Variants in RABGAP1L observed in about 807,000 individuals in gnomAD.
The protein encoded by RABGAP1L is RAB GTPase activating protein 1 like.
A neutral mutation model predicts 137.7 loss-of-function variants in RABGAP1L; 63 were observed. That is an observed-to-expected ratio of 0.46 (90% confidence interval 0.37 to 0.56). The LOEUF (loss-of-function observed/expected upper bound fraction) is 0.56, where lower values mean the gene tolerates loss of function less well. RABGAP1L is among the 20% of genes least tolerant of loss of function. The pLI is 0.00. For synonymous variants in RABGAP1L, 431 were observed against 433.7 expected (o/e 0.99, Z 0.08); for missense variants, 1,095 against 1,244.0 (o/e 0.88, Z 1.80).
chr1:174,665,761 A>G (rs1676745517), intron 14 of RABGAP1L, among the ~76,000 whole-genome samples: 1 of 152,226 alleles, frequency 6.6e-6, no homozygotes, highest in African/African-American at 2.4e-5. Flanking sequence ...CACTGTGCCC[A>G]GCCTTAGCTT....
At chr1:174,360,990 A>T (rs1189884269) in intron 11 of RABGAP1L, among the ~76,000 whole-genome samples, 1 of 152,172 alleles carries the variant, frequency 6.6e-6, no homozygotes, top group Admixed American at 6.5e-5. Flanking sequence ...CGCCGTCTCT[A>T]CTAAAAAATA....
At chr1:174,366,015 A>ATT (rs147612579) in intron 11 of RABGAP1L, among the ~76,000 whole-genome samples, 4 of 151,230 alleles carry the variant, frequency 2.6e-5, no homozygotes, top group East Asian at 1.9e-4. Flanking sequence ...ATAAATTTTG[A>ATT]TTTTTTTTTG....
intron 1 of RABGAP1L, among the ~76,000 whole-genome samples, chr1:174,206,689 C>A (rs1329557369): frequency 6.6e-6 from 1 of 152,116 alleles, no homozygotes; most frequent in Non-Finnish European, 1.5e-5. Flanking sequence ...ACATTTGGCA[C>A]TGAAGGAAAT....
rs562341304 is a variant in RABGAP1L at position 174,901,121 on chromosome 1, A to C, written c.2341-56336A>C. On this transcript the variant is annotated intron_variant, in intron 19 of 25. Coordinates refer to ENST00000681986, the MANE Select transcript of RABGAP1L (RefSeq NM_001366446.1). ...CTTGTGATTGCATTGTGAAGTTCTCATGTTGTGTTTTACAGCTCCATTAGT... is the reference window on the plus strand; with the variant it reads ...CTTGTGATTGCATTGTGAAGTTCTCCTGTTGTGTTTTACAGCTCCATTAGT... 1.4e-3 allele frequency among the ~76,000 whole-genome samples: 210 copies of C among 151,812 alleles called. 1 individual carries two copies. In the South Asian group the frequency reaches 0.02, roughly 14 times the overall value.
chr1:174,302,365 G>A (rs1182556225), intron 10 of RABGAP1L, among the ~76,000 whole-genome samples: 3 of 152,096 alleles, frequency 2.0e-5, no homozygotes, highest in African/African-American at 7.2e-5. Flanking sequence ...TACTTTACTT[G>A]CTTTTTGTGT....
At chr1:174,838,776 G>C (rs1240890884) in intron 19 of RABGAP1L, among the ~76,000 whole-genome samples, 1 of 151,456 alleles carries the variant, frequency 6.6e-6, no homozygotes, top group African/African-American at 2.4e-5. Flanking sequence ...AATTAGCCGG[G>C]CTTGCTGGCG....
rs1404583052 is a variant in RABGAP1L, at chr1:174,881,209, G to C, written c.2340+69249G>C. The stretch of plus-strand genomic sequence containing the variant: ...TATATTATGGCTCAATGCAACCCTA[G>C]CTGCACCAAAGGGAATTCCCACTCC... On this transcript the variant is annotated intron_variant, in intron 19 of 25. Coordinates refer to ENST00000681986, the MANE Select transcript of RABGAP1L (RefSeq NM_001366446.1). Among the ~76,000 whole-genome samples the C allele has an allele frequency of 2.0e-5, 3 of 152,220 alleles. No homozygotes were observed. The East Asian group carries it at 5.8e-4, about 29-fold the overall frequency.
rs552903613 is a variant in RABGAP1L, at chr1:174,389,798, T to A, written c.1560-4197T>A. Reference sequence around the variant, plus strand: ...GTAAAGAAGACAAAGATTCTTGCCATTGTGGAGTTTCTATTCATGCATTAA... The same window carrying A: ...GTAAAGAAGACAAAGATTCTTGCCAATGTGGAGTTTCTATTCATGCATTAA... On this transcript the variant is annotated intron_variant, in intron 12 of 25. Transcript: ENST00000681986. Among the ~76,000 whole-genome samples, 5 of 152,276 alleles carry A rather than the reference T, an allele frequency of 3.3e-5. No homozygotes were observed. In the South Asian group the frequency reaches 8.3e-4, roughly 25 times the overall value.
rs1558314122 is a variant in RABGAP1L, at chr1:174,991,385, C to G, written c.*1384C>G. The G allele has an allele frequency of 6.6e-6, 1 of 152,186 alleles. No homozygotes were observed. Among genetic ancestry groups the G allele is most frequent in the African/African-American group, 2.4e-5 (1 of 41,446 alleles). The allele number at this position is 152,186 out of a possible 1,614,324, so 9.4% of individuals were successfully genotyped here. A position where few individuals can be genotyped will look rare whatever the true frequency, so the allele number is the denominator to read the frequency against. On this transcript the variant is annotated 3_prime_UTR_variant, in exon 26 of 26. Transcript: ENST00000681986. The stretch of plus-strand genomic sequence containing the variant: ...GTTGAACATATTATTTGCAAAGAAT[C>G]TTAAACTCTGTAGTGCCAGAATGAT...
At chr1:174,307,461 C>T (rs1176916513) in intron 11 of RABGAP1L, among the ~76,000 whole-genome samples, 6 of 152,146 alleles carry the variant, frequency 3.9e-5, no homozygotes, top group Non-Finnish European at 8.8e-5. Context: ...ACTCTCTGTT[C>T]TCCCCTTTCC....
At chr1:174,730,251 T>C (rs1244780136) in intron 17 of RABGAP1L, among the ~76,000 whole-genome samples, 2 of 152,192 alleles carry the variant, frequency 1.3e-5, no homozygotes, top group Non-Finnish European at 2.9e-5. Context: ...GTGCTAAACA[T>C]TGACTACTCA....
At chr1:174,273,970 G>A (rs1052769665) in intron 8 of RABGAP1L, among the ~76,000 whole-genome samples, 3 of 152,158 alleles carry the variant, frequency 2.0e-5, no homozygotes, top group African/African-American at 7.2e-5. Context: ...ATTAGCAGTT[G>A]TGATTTGTTA....
chr1:174,417,317 A>C (rs1303024126), intron 13 of RABGAP1L, among the ~76,000 whole-genome samples: 1 of 152,220 alleles, frequency 6.6e-6, no homozygotes. Flanking sequence ...ATTTCAAATC[A>C]GTTATAGTTC....
At chr1:174,200,476 T>C (rs2148387075) in intron 1 of RABGAP1L, among the ~76,000 whole-genome samples, 1 of 152,338 alleles carries the variant, frequency 6.6e-6, no homozygotes, top group South Asian at 2.1e-4. Context: ...CTAGAAAACA[T>C]GTATATACAG....
chr1:174,876,883 A>G (rs1653200179), intron 19 of RABGAP1L, among the ~76,000 whole-genome samples: 1 of 152,188 alleles, frequency 6.6e-6, no homozygotes, highest in East Asian at 1.9e-4. Context: ...AAATACTCAG[A>G]GGGGAAAATT....
chr1:174,655,910 C>G (rs1351530909), intron 14 of RABGAP1L, among the ~76,000 whole-genome samples: 7 of 152,202 alleles, frequency 4.6e-5, no homozygotes, highest in Admixed American at 3.9e-4. Flanking sequence ...GCTTATGTCT[C>G]TGTCCCAGCT....
intron 13 of RABGAP1L, among the ~76,000 whole-genome samples, chr1:174,443,764 GT>G (rs1279335831): frequency 6.6e-6 from 1 of 152,024 alleles, no homozygotes. Flanking sequence ...CAAAACCAAT[GT>G]CCTGAAGCAT....
intron 5 of RABGAP1L, chr1:174,245,520 CTTATT>C (rs1272858033): frequency 2.0e-5 from 3 of 151,714 alleles, no homozygotes; most frequent in Non-Finnish European, 2.9e-5. Flanking sequence ...TAGTGTGCCT[CTTATT>C]TTAGCTCCTT....
intron 13 of RABGAP1L, among the ~76,000 whole-genome samples, chr1:174,419,803 G>A (rs1174551572): frequency 6.6e-6 from 1 of 152,158 alleles, no homozygotes; most frequent in Non-Finnish European, 1.5e-5. Flanking sequence ...GTGAAAGTAG[G>A]AAGAAAAGTC....
Sources: allele counts gnomAD v4.1 joint callset (sites outside exome capture counted in the v4.1 genomes callset), GRCh38; gene constraint gnomAD v4.1.1; transcripts MANE v1.5; gene names NCBI Gene and HGNC (gene_info 2026-07-23, HGNC 2026-07-21).